The following RAB40B variants were observed in gnomAD, a reference collection of about 807,000 sequenced individuals.
RAB40B encodes the protein ras-related protein Rab-40B.
RAB40B carries 21 observed loss-of-function variants against 24.0 expected under a neutral mutation model. The ratio of observed to expected loss-of-function variants is 0.88; its 90% CI spans 0.62 to 1.26. The LOEUF is 1.26. RAB40B is among the 50% of genes most tolerant of loss of function. The probability of loss-of-function intolerance (pLI) is 0.00; values close to 1 mark genes in which losing one functional copy is unlikely to be tolerated. For missense variants in RAB40B, 348 were observed against 390.5 expected (o/e 0.89, Z 0.92); for synonymous variants, 167 against 169.8 (o/e 0.98, Z 0.13).
At chr17:82,695,292 A>G (rs2046597759) in intron 1 of RAB40B, among the ~76,000 whole-genome samples, 2 of 150,248 alleles carry the variant, frequency 1.3e-5, no homozygotes, top group East Asian at 3.9e-4. Context: ...CCTGGGTTCC[A>G]GCGATTCTCC....
chr17:82,685,826 C>T (rs868156801), intron 1 of RAB40B, among the ~76,000 whole-genome samples: 5 of 147,532 alleles, frequency 3.4e-5, no homozygotes, highest in Middle Eastern at 3.6e-3. Flanking sequence ...TTTTTTGAGA[C>T]GGAGTCTCGC....
In RAB40B at chr17:82,656,485, C is replaced by G. The variant is rs1378431760; in HGVS notation, c.*1378G>C. 1 of 152,138 alleles carries G rather than the reference C, an allele frequency of 6.6e-6. No individual in the cohort carries two copies. Among genetic ancestry groups the G allele is most frequent in the Non-Finnish European group, 1.5e-5 (1 of 68,056 alleles). The allele number at this position is 152,138 out of a possible 1,614,324, so 9.4% of individuals were successfully genotyped here. ...CGGAATTCCTGACAGCCCCTCGGAG[C>G]TCCTCACCGAGGCTCAGGAGCACGG... On this transcript the variant is annotated 3_prime_UTR_variant, in exon 6 of 6. Coordinates refer to ENST00000571995, the MANE Select transcript of RAB40B (RefSeq NM_006822.3).
At chr17:82,695,481 C>T (rs965915197) in intron 1 of RAB40B, among the ~76,000 whole-genome samples, 6 of 151,108 alleles carry the variant, frequency 4.0e-5, no homozygotes, top group Non-Finnish European at 5.9e-5. Context: ...TGAGCCACTG[C>T]GCCCGGCTGC....
At chr17:82,694,532 A>G (rs1221844312) in intron 1 of RAB40B, among the ~76,000 whole-genome samples, 1 of 147,470 alleles carries the variant, frequency 6.8e-6, no homozygotes, top group East Asian at 2.0e-4. Context: ...ACTACATCTA[A>G]GAAAAAAAAA....
At chr17:82,659,987 G>A (rs971816384) in intron 3 of RAB40B, among the ~76,000 whole-genome samples, 43 of 152,270 alleles carry the variant, frequency 2.8e-4, no homozygotes, top group South Asian at 2.5e-3. Context: ...ACGCATACAC[G>A]TGCACATACA....
Position 82,676,959 on chromosome 17 carries a change from T to C in RAB40B, c.143-12403A>G, listed in dbSNP as rs535692514. 2.4e-3 allele frequency among the ~76,000 whole-genome samples: 357 copies of C among 145,964 alleles called. 2 individuals are homozygous for C. The highest frequency in any genetic ancestry group is 7.8e-3 in the Middle Eastern group (2 of 256). On this transcript the variant is annotated intron_variant, in intron 1 of 5. Coordinates refer to ENST00000571995, the MANE Select transcript of RAB40B (RefSeq NM_006822.3). ...ACTAATTTATTTATTTATTTATTTA[T>C]TTTTTCTGAGACGGAGTCTCACTCT...
At chr17:82,688,913 A>G (rs2046528757) in intron 1 of RAB40B, among the ~76,000 whole-genome samples, 1 of 152,224 alleles carries the variant, frequency 6.6e-6, no homozygotes, top group Non-Finnish European at 1.5e-5. Context: ...CAGCCTGAGC[A>G]ACAGAGTAAG....
chr17:82,664,366 C>T, intron 2 of RAB40B, 130 bp downstream of exon 2: 1 of 870,604 alleles, frequency 1.1e-6, no homozygotes, highest in Non-Finnish European at 1.8e-6. Flanking sequence ...GAGGGTGTTC[C>T]CGGGGGCGCT....
rs763243138 is a variant in RAB40B, at chr17:82,667,909, G to A, written c.143-3353C>T. On this transcript the variant is annotated intron_variant, in intron 1 of 5. Coordinates refer to ENST00000571995, the MANE Select transcript of RAB40B (RefSeq NM_006822.3). The surrounding 1 kb of genome is among the most constrained non-coding windows in gnomAD (Gnocchi z 4.3). Reference sequence around the variant, plus strand: ...GCCCAGCAGGCACGCTGAGTGCACCGTCTGTCTCTCTCTTCTTGGCATGGG... The same window carrying A: ...GCCCAGCAGGCACGCTGAGTGCACCATCTGTCTCTCTCTTCTTGGCATGGG... 4.6e-5 allele frequency among the ~76,000 whole-genome samples: 7 copies of A among 152,092 alleles called. No individual in the cohort carries two copies. Among genetic ancestry groups the A allele is most frequent in the Non-Finnish European group, 8.8e-5 (6 of 68,018 alleles).
At chr17:82,698,395 G>T in intron 1 of RAB40B, 60 bp downstream of exon 1, 3 of 90,618 alleles carry the variant, frequency 3.3e-5, no homozygotes, top group Non-Finnish European at 5.0e-5. Flanking sequence ...CCCCTCCCCA[G>T]CCCCGCGCCC....
At chr17:82,696,013 A>G (rs1467044615) in intron 1 of RAB40B, among the ~76,000 whole-genome samples, 1 of 151,918 alleles carries the variant, frequency 6.6e-6, no homozygotes, top group African/African-American at 2.4e-5. Context: ...GGGATTACAG[A>G]CATGTGACAC....
At chr17:82,691,974 GAC>G (rs2046563017) in intron 1 of RAB40B, among the ~76,000 whole-genome samples, 1 of 152,230 alleles carries the variant, frequency 6.6e-6, no homozygotes, top group African/African-American at 2.4e-5. Context: ...CAGAACAGAA[GAC>G]ACTTCCCTGG....
chr17:82,679,416 G>A (rs1266550661), intron 1 of RAB40B, among the ~76,000 whole-genome samples: 1 of 151,460 alleles, frequency 6.6e-6, no homozygotes, highest in African/African-American at 2.4e-5. Flanking sequence ...CGAGTAGCTG[G>A]GACTACAGGT....
intron 4 of RAB40B, chr17:82,659,034 G>T: frequency 3.2e-6 from 1 of 315,840 alleles, no homozygotes. Flanking sequence ...TGCTGGCACC[G>T]CCGAGAGCTG....
chr17:82,677,271 G>A (rs1271413579), intron 1 of RAB40B, among the ~76,000 whole-genome samples: 1 of 152,222 alleles, frequency 6.6e-6, no homozygotes, highest in Non-Finnish European at 1.5e-5. Context: ...AACAATTAAT[G>A]TTCAAGCTAT....
chr17:82,657,517 A>G lies in RAB40B; in HGVS notation c.*346T>C, dbSNP rs552299972. ...GCTTCTCAAATTCCATTGAATTTAT[A>G]CTAATCACTCCAATATCACCGTTCT... On this transcript the variant is annotated 3_prime_UTR_variant, in exon 6 of 6. Transcript: ENST00000571995. 3 of 385,574 alleles carry G rather than the reference A, an allele frequency of 7.8e-6. No homozygotes were observed. Among genetic ancestry groups the G allele is most frequent in the South Asian group, 6.4e-5 (3 of 47,044 alleles). The allele number at this position is 385,574 out of a possible 1,614,324, so 23.9% of individuals were successfully genotyped here.
intron 1 of RAB40B, among the ~76,000 whole-genome samples, chr17:82,677,779 C>T (rs1292427164): frequency 1.3e-5 from 2 of 152,220 alleles, no homozygotes; most frequent in Admixed American, 1.3e-4. Flanking sequence ...ATGTGGGGCC[C>T]TCTGACCCCA....
At chr17:82,665,226 CAAAA>C (rs1158471473) in intron 1 of RAB40B, among the ~76,000 whole-genome samples, 59 of 146,068 alleles carry the variant, frequency 4.0e-4, no homozygotes, top group South Asian at 2.2e-4. Context: ...AACAAACAAA[CAAAA>C]AAAAAACCCG....
chr17:82,697,068 A>G lies in RAB40B; in HGVS notation c.142+1387T>C, dbSNP rs2254271. ...CCACGGAGCACACTCTGCACCCACC[A>G]GCTGCCAGAGACTCCCCCGCATGCT... is the stretch of plus-strand genomic sequence containing the variant. On this transcript the variant is annotated intron_variant, in intron 1 of 5. Coordinates refer to ENST00000571995, the MANE Select transcript of RAB40B (RefSeq NM_006822.3). The surrounding 1 kb of genome is among the most constrained non-coding windows in gnomAD (Gnocchi z 4.9). Among the ~76,000 whole-genome samples the G allele has an allele frequency of 0.98, 148,510 of 152,116 alleles. 72,503 individuals carry two copies. The highest frequency in any genetic ancestry group is 1 in the East Asian group (5,146 of 5,148).
Sources: gnomAD v4.1 joint callset for allele counts (sites outside exome capture counted in the v4.1 genomes callset) on GRCh38, gnomAD v4.1.1 for gene constraint, Gnocchi (gnomAD v3.1) non-coding constraint, MANE v1.5 for transcripts, NCBI Gene and HGNC (gene_info 2026-07-23, HGNC 2026-07-21) for gene names.